Variants in FBN2 observed in about 807,000 individuals in gnomAD.
The protein encoded by FBN2 is fibrillin-2.
FBN2 carries 105 observed loss-of-function variants against 355.6 expected under a neutral mutation model. That is an observed-to-expected ratio of 0.30 (90% CI 0.25 to 0.35). The LOEUF (loss-of-function observed/expected upper bound fraction) is 0.35, where lower values mean the gene tolerates loss of function less well. FBN2 is among the 10% of genes least tolerant of loss of function. The probability of loss-of-function intolerance (pLI) is 1.00; values close to 1 mark genes in which losing one functional copy is unlikely to be tolerated. For synonymous variants in FBN2, 1,350 were observed against 1,301.2 expected (o/e 1.04, Z -0.81); for missense variants, 3,280 against 3,758.7 (o/e 0.87, Z 3.33).
At chr5:128,352,420 A>C (rs887854820) in intron 20 of FBN2, among the ~76,000 whole-genome samples, 1 of 152,212 alleles carries the variant, frequency 6.6e-6, no homozygotes, top group African/African-American at 2.4e-5. Context: ...AATATTATGC[A>C]CTTTAAAATT....
intron 8 of FBN2, among the ~76,000 whole-genome samples, chr5:128,406,934 T>C (rs954464298): frequency 6.6e-5 from 10 of 152,232 alleles, no homozygotes; most frequent in African/African-American, 2.4e-4. Flanking sequence ...TGCTCAGTTA[T>C]ACAGACTTAA....
Position 128,291,660 on chromosome 5 carries a change from G to T in FBN2, c.6167-6C>A. The T allele has an allele frequency of 6.2e-7, 1 of 1,612,858 alleles. No individual in the cohort carries two copies. Among genetic ancestry groups the T allele is most frequent in the Non-Finnish European group, 8.5e-7 (1 of 1,178,994 alleles). ...TTCATCACATTCATTTATATCTGCA[G>T]AACAGGGGGAGTATTTATTAGCCAT... On this transcript the variant is annotated splice_polypyrimidine_tract_variant and splice_region_variant and intron_variant, in intron 48 of 64. Transcript: ENST00000262464.
intron 7 of FBN2, among the ~76,000 whole-genome samples, chr5:128,433,145 TA>T (rs1443303260): frequency 2.6e-5 from 4 of 151,728 alleles, no homozygotes; most frequent in Admixed American, 2.0e-4. Context: ...TCAGATGCCT[TA>T]AAAAAAAGAT....
rs557524366 is a variant in FBN2, at chr5:128,392,931, T to A, written c.1465+204A>T. Among the ~76,000 whole-genome samples the A allele has an allele frequency of 1.2e-4, 19 of 152,326 alleles. 1 individual carries two copies. The highest frequency in any genetic ancestry group is 4.6e-4 in the African/African-American group (19 of 41,566). Reference sequence around the variant, plus strand: ...GAACATAAAAGTAATATTTTCCTATTACATTTTCCCAAATTTAGTATTACT... The same window carrying A: ...GAACATAAAAGTAATATTTTCCTATAACATTTTCCCAAATTTAGTATTACT... On this transcript the variant is annotated intron_variant, in intron 10 of 64. Transcript: ENST00000262464.
intron 25 of FBN2, 147 bp downstream of exon 25, chr5:128,344,238 G>C: frequency 1.2e-6 from 1 of 815,750 alleles, no homozygotes; most frequent in Non-Finnish European, 2.0e-6. Flanking sequence ...GCGACTAAGT[G>C]AGACCTTTTC....
chr5:128,518,372 T>C (rs1756343442), intron 5 of FBN2, among the ~76,000 whole-genome samples: 1 of 152,202 alleles, frequency 6.6e-6, no homozygotes, highest in Non-Finnish European at 1.5e-5. Flanking sequence ...ACCATTTATA[T>C]GAATAAGTTG....
At chr5:128,397,228 A>G (rs1369390757) in intron 8 of FBN2, among the ~76,000 whole-genome samples, 2 of 152,226 alleles carry the variant, frequency 1.3e-5, no homozygotes, top group Non-Finnish European at 2.9e-5. Flanking sequence ...AAGAATAATC[A>G]CAGGAAACAA....
intron 6 of FBN2, among the ~76,000 whole-genome samples, chr5:128,455,324 A>G (rs1716444150): frequency 6.6e-6 from 1 of 152,198 alleles, no homozygotes; most frequent in Non-Finnish European, 1.5e-5. Flanking sequence ...TGGTCCTTTA[A>G]TGTATAATAA....
intron 5 of FBN2, among the ~76,000 whole-genome samples, chr5:128,499,949 G>A (rs6595831): frequency 0.21 from 31,932 of 152,020 alleles, 6,010 homozygotes; most frequent in African/African-American, 0.51. Context: ...ATGGTCATGG[G>A]AAACACAGTC....
In FBN2 at chr5:128,492,757, C is replaced by T. The variant is rs190688809; in HGVS notation, c.628+26516G>A. Among the ~76,000 whole-genome samples, 480 of 126,778 alleles carry T rather than the reference C, an allele frequency of 3.8e-3. 3 individuals carry two copies. Among genetic ancestry groups the T allele is most frequent in the African/African-American group, 0.014 (446 of 31,144 alleles). The allele number at this position is 126,778 out of a possible 152,430, so 83.2% of individuals were successfully genotyped here. A position where few individuals can be genotyped will look rare whatever the true frequency, so the allele number is the denominator to read the frequency against. ...GGCAGAGGCTGTGGTGAGTCAAGAT[C>T]GTGCCACTGCACTCCAGCCTGAGCA... On this transcript the variant is annotated intron_variant, in intron 5 of 64. Coordinates refer to ENST00000262464, the MANE Select transcript of FBN2 (RefSeq NM_001999.4).
intron 7 of FBN2, among the ~76,000 whole-genome samples, chr5:128,410,068 A>G (rs1313050622): frequency 6.6e-6 from 1 of 152,182 alleles, no homozygotes; most frequent in Non-Finnish European, 1.5e-5. Context: ...ACATTCTATG[A>G]AATAATATCT....
At chr5:128,313,142 T>C (rs1309561464) in intron 36 of FBN2, among the ~76,000 whole-genome samples, 3 of 152,250 alleles carry the variant, frequency 2.0e-5, no homozygotes, top group African/African-American at 4.8e-5. Flanking sequence ...ATCACGAGTT[T>C]ATCCAATGGT....
At position 128,264,041 on chromosome 5, in the gene FBN2, T is replaced by TG. The variant is rs574385856; in HGVS notation, c.7961-386dup. Among the ~76,000 whole-genome samples the TG allele has an allele frequency of 3.9e-5, 6 of 152,114 alleles. No individual in the cohort carries two copies. In the South Asian group the frequency reaches 1.2e-3, roughly 32 times the overall value. On this transcript the variant is annotated intron_variant, in intron 62 of 64. Transcript: ENST00000262464. ...GCCGGGGCCTGTCGGGAGGAAGAAA[T>TG]GGGAAATGACCGCTCTTGGGTATGG...
chr5:128,437,032 T>A (rs1753784416), intron 7 of FBN2, among the ~76,000 whole-genome samples: 1 of 152,210 alleles, frequency 6.6e-6, no homozygotes, highest in Non-Finnish European at 1.5e-5. Context: ...TCTCTCGTGA[T>A]AGAAATGTGA....
At chr5:128,306,245 G>A (rs996238844) in intron 42 of FBN2, among the ~76,000 whole-genome samples, 9 of 152,108 alleles carry the variant, frequency 5.9e-5, no homozygotes, top group Non-Finnish European at 1.3e-4. Context: ...CCTAAGTGCT[G>A]CTATTCATTT....
intron 8 of FBN2, among the ~76,000 whole-genome samples, chr5:128,397,706 G>A (rs1448156383): frequency 6.6e-6 from 1 of 152,154 alleles, no homozygotes; most frequent in Non-Finnish European, 1.5e-5. Flanking sequence ...CGCATGAAAT[G>A]AAGGATAAAA....
chr5:128,339,593 G>GA (rs894706937), intron 25 of FBN2, among the ~76,000 whole-genome samples: 2 of 151,928 alleles, frequency 1.3e-5, no homozygotes, highest in African/African-American at 4.8e-5. Flanking sequence ...AAAAAGAAAA[G>GA]AAAAAGAAAA....
At chr5:128,472,563 AG>A (rs1561473598) in intron 5 of FBN2, among the ~76,000 whole-genome samples, 1 of 152,102 alleles carries the variant, frequency 6.6e-6, no homozygotes, top group Non-Finnish European at 1.5e-5. Flanking sequence ...AGGTCGAGGC[AG>A]GCAGATCACC....
rs10042349 is a variant in FBN2, at chr5:128,291,517, G to T, written c.6292+12C>A. 12,428 of 1,613,614 alleles carry T rather than the reference G, an allele frequency of 7.7e-3. 857 individuals are homozygous for T. In the African/African-American group the frequency reaches 0.14, roughly 19 times the overall value. ...GCGTGAACTGTGACAGTGAAGTCAT[G>T]CCAAATCTTACCAAAGCATCTCCGT... On this transcript the variant is annotated intron_variant, in intron 49 of 64. Coordinates refer to ENST00000262464, the MANE Select transcript of FBN2 (RefSeq NM_001999.4).
Sources: gnomAD v4.1 joint callset for allele counts (sites outside exome capture counted in the v4.1 genomes callset) on GRCh38, gnomAD v4.1.1 for gene constraint, MANE v1.5 for transcripts, NCBI Gene and HGNC (gene_info 2026-07-23, HGNC 2026-07-21) for gene names.